C19orf44: variants seen among roughly 807,000 people sequenced by gnomAD.
C19orf44 encodes uncharacterized protein C19orf44.
Under a neutral mutation model 50.7 loss-of-function variants are expected in C19orf44, and 43 were observed. That is an observed-to-expected ratio of 0.85 (90% CI 0.66 to 1.09). C19orf44 has a LOEUF of 1.09. Ranked by LOEUF, C19orf44 falls within the 50% of genes least tolerant of loss-of-function variation. The pLI, the probability that C19orf44 is intolerant of heterozygous loss-of-function variation, is 0.00. For missense variants in C19orf44, 722 were observed against 836.2 expected (o/e 0.86, Z 1.68); for synonymous variants, 298 against 334.7 (o/e 0.89, Z 1.20).
In C19orf44 at chr19:16,500,270, G is replaced by C. The variant is rs997937981; in HGVS notation, c.-1-522G>C. On this transcript the variant is annotated intron_variant, in intron 1 of 8. Coordinates refer to ENST00000221671, the MANE Select transcript of C19orf44 (RefSeq NM_032207.4). The stretch of plus-strand genomic sequence containing the variant: ...ACACTAAGTGAAATCTGATTTTCTG[G>C]GGGCTTGTTAAATACAGGGATACCT... Among the ~76,000 whole-genome samples, 28 of 152,180 alleles carry C rather than the reference G, an allele frequency of 1.8e-4. No homozygotes were observed. In the East Asian group the frequency reaches 2.7e-3, roughly 15 times the overall value.
intron 7 of C19orf44, among the ~76,000 whole-genome samples, chr19:16,516,275 A>G (rs2093471452): frequency 6.6e-6 from 1 of 152,118 alleles, no homozygotes. Flanking sequence ...ATCTCTATTA[A>G]AAAATACAAG....
intron 4 of C19orf44, among the ~76,000 whole-genome samples, chr19:16,507,320 G>A (rs75929425): frequency 0.034 from 5,104 of 152,082 alleles, 113 homozygotes; most frequent in Non-Finnish European, 0.05. Flanking sequence ...ACATCTGCAC[G>A]GAGGCAACAC....
chr19:16,521,073 C>A lies in C19orf44; in HGVS notation c.*1020C>A. 1.5e-6 allele frequency: 1 copy of A among 659,214 alleles called. No homozygotes were observed. The highest frequency in any genetic ancestry group is 2.7e-6 in the Non-Finnish European group (1 of 367,820). The allele number at this position is 659,214 out of a possible 1,614,324, so 40.8% of individuals were successfully genotyped here. ...AGTAGAGCTTGGTTCAGTGTTCCCA[C>A]AGGGCTGTCCTCCTGCAGCCCAGTG... is the stretch of plus-strand genomic sequence containing the variant. On this transcript the variant is annotated 3_prime_UTR_variant, in exon 9 of 9. Transcript: ENST00000221671.
Position 16,509,721 on chromosome 19 carries a change from G to A in C19orf44, c.1372G>A (p.Ala458Thr). Residue 458 changes from alanine to threonine, a missense_variant, in exon 5 of 9, where the codon GCC becomes ACC. Transcript: ENST00000221671. ...TTCCAGCATGCAGCCACCATCTGAA[G>A]CCCCCATGGTGAACACAGTCAGCTC... Reference protein sequence around the residue: ...STSSMQPPSEAPMVNTVSSAY... With the variant: ...STSSMQPPSETPMVNTVSSAY... 1 of 1,614,246 alleles carries A rather than the reference G, an allele frequency of 6.2e-7. No homozygotes were observed. Among genetic ancestry groups the A allele is most frequent in the Non-Finnish European group, 8.5e-7 (1 of 1,180,052 alleles).
intron 7 of C19orf44, among the ~76,000 whole-genome samples, chr19:16,516,078 G>A (rs756857666): frequency 2.6e-5 from 4 of 152,146 alleles, no homozygotes; most frequent in Admixed American, 6.5e-5. Context: ...GATTATAGGC[G>A]TGAGCCACCG....
At chr19:16,501,652 G>A (rs1568492474) in intron 2 of C19orf44, 101 bp downstream of exon 2, 11 of 871,530 alleles carry the variant, frequency 1.3e-5, no homozygotes, top group Non-Finnish European at 1.1e-5. Flanking sequence ...GAGTGCAATG[G>A]CACGATCTCT....
In C19orf44 at chr19:16,519,737, C is replaced by A; in HGVS notation, c.*41-357C>A. 6.3e-7 allele frequency: 1 copy of A among 1,586,924 alleles called. No individual in the cohort carries two copies. Among genetic ancestry groups the A allele is most frequent in the Non-Finnish European group, 8.7e-7 (1 of 1,155,566 alleles). On this transcript the variant is annotated intron_variant, in intron 8 of 8. Transcript: ENST00000221671. The surrounding 1 kb of genome is among the most constrained non-coding windows in gnomAD (Gnocchi z 6.0). ...GGAACTAAAATCGAGACAGGTTATT[C>A]TTTTTAAGAAGTAACTGAGACATTT...
Position 16,519,491 on chromosome 19 carries a change from T to A in C19orf44, c.*41-603T>A. ...CCGCAGGCCGGCCCTGTCTAGAGGG[T>A]CTGGGTGGAGTCAGAACCGGCCTGA... On this transcript the variant is annotated intron_variant, in intron 8 of 8. Transcript: ENST00000221671. This position sits in a 1 kb window ranked among gnomAD's most constrained non-coding sequence, Gnocchi z 6.0. 8.0e-7 allele frequency: 1 copy of A among 1,251,406 alleles called. No homozygotes were observed. Among genetic ancestry groups the A allele is most frequent in the Non-Finnish European group, 1.1e-6 (1 of 873,080 alleles). 77.5% of individuals were successfully genotyped at this position (1,251,406 alleles called of 1,614,324 possible). A position where few individuals can be genotyped will look rare whatever the true frequency, so the allele number is the denominator to read the frequency against.
chr19:16,502,482 C>T (rs183654232), intron 2 of C19orf44, among the ~76,000 whole-genome samples: 117 of 151,582 alleles, frequency 7.7e-4, no homozygotes, highest in Admixed American at 1.4e-3. Flanking sequence ...ATGATCTGCC[C>T]GCCTCGGCCT....
Position 16,519,186 on chromosome 19 carries a change from G to A in C19orf44, c.*41-908G>A. On this transcript the variant is annotated intron_variant, in intron 8 of 8. Transcript: ENST00000221671. The surrounding 1 kb of genome is among the most constrained non-coding windows in gnomAD (Gnocchi z 6.0). ...ACTTACACTCGTCCCTGGCCTTCAT[G>A]CGGGCGATGAAGGAGTAGCTCTTGT... The A allele has an allele frequency of 6.2e-7, 1 of 1,613,880 alleles. No homozygotes were observed. Among genetic ancestry groups the A allele is most frequent in the Non-Finnish European group, 8.5e-7 (1 of 1,179,990 alleles).
intron 8 of C19orf44, chr19:16,518,694 CCG>C (rs2085573033): frequency 1.8e-5 from 3 of 169,782 alleles, no homozygotes; most frequent in Non-Finnish European, 3.7e-5. Context: ...CCCTACACAG[CCG>C]AGGGGAAGCC....
rs2085547610 is a variant in C19orf44, at chr19:16,517,351, C to T, written c.*40+10C>T. ...GACGTCTTAACAAAAGGTATCCCGT[C>T]CTGTGTACTCAGTGCACACACACGC... On this transcript the variant is annotated intron_variant, in intron 8 of 8. Coordinates refer to ENST00000221671, the MANE Select transcript of C19orf44 (RefSeq NM_032207.4). 3.2e-6 allele frequency: 5 copies of T among 1,553,188 alleles called. No homozygotes were observed. The highest frequency in any genetic ancestry group is 1.7e-5 in the Admixed American group (1 of 58,744).
chr19:16,501,556 GA>G lies in C19orf44; in HGVS notation c.759+6del, dbSNP rs2093425614. 3 of 1,339,500 alleles carry G rather than the reference GA, an allele frequency of 2.2e-6. No individual in the cohort carries two copies. The highest frequency in any genetic ancestry group is 2.9e-6 in the Non-Finnish European group (3 of 1,045,160). 83.0% of individuals were successfully genotyped at this position (1,339,500 alleles called of 1,614,324 possible). ...GAAGAAAGAAAACTATTTTCGGTGA[GA>G]TTTTTTTTTTTTGGTAAATTTATTT... is the stretch of plus-strand genomic sequence containing the variant. On this transcript the variant is annotated splice_donor_region_variant and intron_variant, in intron 2 of 8. Transcript: ENST00000221671.
At chr19:16,499,169 G>A (rs2093417974) in intron 1 of C19orf44, among the ~76,000 whole-genome samples, 1 of 152,134 alleles carries the variant, frequency 6.6e-6, no homozygotes, top group Non-Finnish European at 1.5e-5. Context: ...TGACCCCTGT[G>A]GTCAGTCCTG....
At chr19:16,512,465 C>T (rs937598496) in intron 5 of C19orf44, among the ~76,000 whole-genome samples, 4 of 152,078 alleles carry the variant, frequency 2.6e-5, no homozygotes, top group Non-Finnish European at 4.4e-5. Flanking sequence ...CTGCAGCCAC[C>T]GTGAGCCGGA....
chr19:16,498,346 C>T (rs574472967), intron 1 of C19orf44, among the ~76,000 whole-genome samples: 20 of 152,094 alleles, frequency 1.3e-4, no homozygotes, highest in Admixed American at 9.8e-4. Context: ...TCCAGTGGCA[C>T]GATCATAGCT....
In C19orf44 at chr19:16,509,916, G is replaced by T; in HGVS notation, c.1567G>T (p.Val523Leu). Reference protein sequence around the residue: ...AESRKKSGRHVTRVLVKDTAV... With the variant: ...AESRKKSGRHLTRVLVKDTAV... ...GTCTAGGAAAAAGTCGGGCAGGCAC[G>T]TGACAAGAGTGCTTGTGAAGGACAC... The change falls in exon 5 of 9, where the codon GTG becomes TTG. Residue 523 changes from valine (V) to leucine (L), a missense_variant. Physicochemically the swap from Val to Leu is conservative, Grantham distance 32. Coordinates refer to ENST00000221671, the MANE Select transcript of C19orf44 (RefSeq NM_032207.4). The T allele has an allele frequency of 6.2e-7, 1 of 1,614,260 alleles. No individual in the cohort carries two copies. The highest frequency in any genetic ancestry group is 8.5e-7 in the Non-Finnish European group (1 of 1,180,052).
In C19orf44 at chr19:16,501,602, T is replaced by G. The variant is rs1478298873; in HGVS notation, c.759+51T>G. The G allele has an allele frequency of 4.8e-6, 6 of 1,237,826 alleles. No individual in the cohort carries two copies. The South Asian group carries it at 1.8e-4, about 37-fold the overall frequency. The allele number at this position is 1,237,826 out of a possible 1,614,324, so 76.7% of individuals were successfully genotyped here. On this transcript the variant is annotated intron_variant, in intron 2 of 8. Coordinates refer to ENST00000221671, the MANE Select transcript of C19orf44 (RefSeq NM_032207.4). ...TTATTTTAATTTATTTAATTTAATT[T>G]TTTTTTTGAGATGGAGTTTTGCTCT...
chr19:16,505,836 C>T (rs959314378), intron 3 of C19orf44, among the ~76,000 whole-genome samples: 5 of 152,016 alleles, frequency 3.3e-5, no homozygotes, highest in Admixed American at 2.6e-4. Context: ...CACGTGCCAT[C>T]ACACTTGGCT....
Sources: allele counts gnomAD v4.1 joint callset (sites outside exome capture counted in the v4.1 genomes callset), GRCh38; gene constraint gnomAD v4.1.1; non-coding constraint Gnocchi (gnomAD v3.1); transcripts MANE v1.5; gene names NCBI Gene and HGNC (gene_info 2026-07-23, HGNC 2026-07-21).